The following RYR3 variants were observed in gnomAD, a reference collection of about 807,000 sequenced individuals.
The protein encoded by RYR3 is brain ryanodine receptor-calcium release channel.
Under a neutral mutation model 584.3 loss-of-function variants are expected in RYR3, and 207 were observed. The observed-to-expected ratio is 0.35, with a 90% CI of 0.32 to 0.40. The LOEUF (loss-of-function observed/expected upper bound fraction) is 0.40. Ranked by LOEUF, RYR3 falls within the 10% of genes least tolerant of loss-of-function variation. The pLI, the probability that RYR3 is intolerant of heterozygous loss-of-function variation, is 1.00. For synonymous variants in RYR3, 2,416 were observed against 2,248.5 expected (o/e 1.07, Z -2.11); for missense variants, 5,616 against 6,089.2 (o/e 0.92, Z 2.59).
chr15:33,475,124 A>G (rs901960458), intron 2 of RYR3, among the ~76,000 whole-genome samples: 5 of 152,182 alleles, frequency 3.3e-5, no homozygotes, highest in African/African-American at 9.7e-5. Context: ...TTAGAAGTCA[A>G]GAAGTTAATT....
At chr15:33,827,007 C>A (rs1398562427) in intron 84 of RYR3, among the ~76,000 whole-genome samples, 192 bp from the exon 85 acceptor site, 1 of 152,180 alleles carries the variant, frequency 6.6e-6, no homozygotes, top group Non-Finnish European at 1.5e-5. Context: ...TCGTTAAGTC[C>A]AGTTTCTGGT....
intron 47 of RYR3, 49 bp downstream of exon 47, chr15:33,729,075 T>A (rs7498093): frequency 1.3e-6 from 2 of 1,524,212 alleles, no homozygotes; most frequent in Non-Finnish European, 1.8e-6. Context: ...ATTGTGAAAT[T>A]AGTAATGTTG....
At chr15:33,456,338 A>C (rs779537671) in intron 1 of RYR3, among the ~76,000 whole-genome samples, 63 of 152,342 alleles carry the variant, frequency 4.1e-4, no homozygotes, top group Non-Finnish European at 7.6e-4. Flanking sequence ...GTTAATGGAC[A>C]CTGACTGTTT....
Position 33,543,712 on chromosome 15 carries a change from A to G in RYR3, c.737A>G (p.His246Arg), listed in dbSNP as rs1221712105. 1 of 1,604,024 alleles carries G rather than the reference A, an allele frequency of 6.2e-7. No homozygotes were observed. ...IPSTDQNDSQ[H>R]RRIFYEAGGA... ...TCTACAGACCAGAATGATTCCCAGC[A>G]CAGGTAAGTCAGTAGCTGCATTCTT... The change falls in exon 8 of 104, where the codon CAC (histidine) becomes CGC (arginine). Residue 246 changes from histidine (H) to arginine (R), a missense_variant. Physicochemically the swap from His to Arg is conservative, Grantham distance 29. This residue lies in a region of RYR3 where 1,284 missense variants were observed against 1,344.6 expected (regional missense o/e 0.95). Transcript: ENST00000634891.
intron 1 of RYR3, among the ~76,000 whole-genome samples, chr15:33,323,394 C>T (rs950960856): frequency 3.3e-5 from 5 of 152,098 alleles, no homozygotes; most frequent in African/African-American, 4.8e-5. Flanking sequence ...AGGCGTGAGC[C>T]ACCGCGCCCG....
chr15:33,530,485 C>T, intron 3 of RYR3, 107 bp from the exon 4 acceptor site: 1 of 760,066 alleles, frequency 1.3e-6, no homozygotes, highest in Non-Finnish European at 2.3e-6. Flanking sequence ...AGGAGCTTTG[C>T]AATGGGTCTT....
intron 99 of RYR3, among the ~76,000 whole-genome samples, chr15:33,858,360 A>G (rs2079937001): frequency 6.6e-6 from 1 of 151,916 alleles, no homozygotes; most frequent in Non-Finnish European, 1.5e-5. Context: ...ATGCACCACC[A>G]CACCTGGCTA....
intron 1 of RYR3, among the ~76,000 whole-genome samples, chr15:33,442,234 A>G (rs577903321): frequency 6.6e-6 from 1 of 152,314 alleles, no homozygotes; most frequent in South Asian, 2.1e-4. Context: ...CTTTTTTCTA[A>G]GAGAGGAAAT....
chr15:33,780,345 A>C lies in RYR3; in HGVS notation c.9268+4A>C. On this transcript the variant is annotated splice_donor_region_variant and intron_variant, in intron 65 of 103. Coordinates refer to ENST00000634891, the MANE Select transcript of RYR3 (RefSeq NM_001036.6). The stretch of plus-strand genomic sequence containing the variant: ...AAAACCCCCAGGGAGAGGTCTAGTA[A>C]GTATCTCCCCTCAAAGGTCATCAAC... 4 of 1,613,512 alleles carry C rather than the reference A, an allele frequency of 2.5e-6. No homozygotes were observed. Among genetic ancestry groups the C allele is most frequent in the East Asian group, 2.2e-5 (1 of 44,850 alleles).
At chr15:33,805,763 C>T (rs921127202) in intron 69 of RYR3, among the ~76,000 whole-genome samples, 5 of 152,266 alleles carry the variant, frequency 3.3e-5, no homozygotes, top group African/African-American at 1.2e-4. Flanking sequence ...AGGCTTGAGC[C>T]ACCACACCCG....
chr15:33,371,606 G>A (rs1356367434), intron 1 of RYR3, among the ~76,000 whole-genome samples: 2 of 152,206 alleles, frequency 1.3e-5, no homozygotes, highest in Non-Finnish European at 2.9e-5. Flanking sequence ...AATCATGTCA[G>A]GCAGTAGACA....
chr15:33,765,018 A>G (rs1347011599), intron 60 of RYR3, among the ~76,000 whole-genome samples: 47 of 120,272 alleles, frequency 3.9e-4, no homozygotes, highest in Non-Finnish European at 6.3e-4. Context: ...GCAACAGAGC[A>G]AGACTTCGTC....
intron 43 of RYR3, among the ~76,000 whole-genome samples, chr15:33,711,274 C>T (rs183479850): frequency 9.1e-4 from 95 of 104,660 alleles, no homozygotes; most frequent in East Asian, 3.2e-3. Context: ...GACTGAGTCT[C>T]GTTCTGTCGC....
chr15:33,693,207 G>A (rs1038678998), intron 38 of RYR3, among the ~76,000 whole-genome samples: 1 of 152,234 alleles, frequency 6.6e-6, no homozygotes, highest in Non-Finnish European at 1.5e-5. Context: ...GTAATAACTA[G>A]GAGTGCATCC....
chr15:33,637,430 C>T (rs1356815247), intron 27 of RYR3, among the ~76,000 whole-genome samples: 8 of 152,258 alleles, frequency 5.3e-5, no homozygotes, highest in African/African-American at 1.9e-4. Flanking sequence ...CGCACTGTTT[C>T]CTCCTCACGG....
At chr15:33,603,541 C>T (rs537671803) in intron 18 of RYR3, among the ~76,000 whole-genome samples, 177 bp downstream of exon 18, 3 of 152,294 alleles carry the variant, frequency 2.0e-5, no homozygotes, top group Non-Finnish European at 2.9e-5. Flanking sequence ...TATACCATTA[C>T]TCAGACAGTT....
At chr15:33,860,077 G>T (rs1232570586) in intron 100 of RYR3, among the ~76,000 whole-genome samples, 2 of 151,978 alleles carry the variant, frequency 1.3e-5, no homozygotes, top group Non-Finnish European at 2.9e-5. Context: ...TAGGAGCAGA[G>T]GAGCTGGACA....
intron 99 of RYR3, chr15:33,858,326 T>C (rs1313880517): frequency 1.1e-5 from 2 of 174,932 alleles, no homozygotes; most frequent in Admixed American, 5.6e-5. Flanking sequence ...TGCCTCAGCC[T>C]CCCTAGTAGC....
chr15:33,743,067 T>C (rs534136297), intron 52 of RYR3, among the ~76,000 whole-genome samples: 23 of 152,320 alleles, frequency 1.5e-4, no homozygotes, highest in Admixed American at 4.6e-4. Flanking sequence ...CCAGGATTCC[T>C]GTGGGCAGCC....
Sources: allele counts gnomAD v4.1 joint callset (sites outside exome capture counted in the v4.1 genomes callset), GRCh38; gene constraint gnomAD v4.1.1; regional missense constraint gnomAD v4.1.1; transcripts MANE v1.5; gene names NCBI Gene and HGNC (gene_info 2026-07-23, HGNC 2026-07-21).